Variants in CNTN1 observed in about 807,000 individuals in gnomAD.
CNTN1 encodes the protein contactin-1.
In CNTN1, 38 loss-of-function variants were observed where a neutral mutation model predicts 126.4. The ratio of observed to expected loss-of-function variants is 0.30; its 90% CI spans 0.23 to 0.39. The LOEUF (loss-of-function observed/expected upper bound fraction) is 0.39. Ranked by LOEUF, CNTN1 falls within the 10% of genes least tolerant of loss-of-function variation. CNTN1 has a pLI of 1.00. For missense variants in CNTN1, 1,009 were observed against 1,248.4 expected, an observed-to-expected ratio of 0.81 and a Z score of 2.89; for synonymous variants, 413 against 422.6, an observed-to-expected ratio of 0.98 and a Z score of 0.28.
At chr12:40,923,731 T>C (rs977180635) in intron 5 of CNTN1, among the ~76,000 whole-genome samples, 20 of 152,158 alleles carry the variant, frequency 1.3e-4, no homozygotes, top group African/African-American at 4.6e-4. Context: ...TCAAGTAAGC[T>C]ATTGAGGATA....
chr12:40,879,915 C>A (rs1025351788), intron 1 of CNTN1, among the ~76,000 whole-genome samples: 2 of 151,962 alleles, frequency 1.3e-5, no homozygotes, highest in Non-Finnish European at 2.9e-5. Flanking sequence ...GCAAGAAATT[C>A]GTAGTGATTA....
intron 1 of CNTN1, among the ~76,000 whole-genome samples, chr12:40,733,333 G>T (rs1190219081): frequency 6.6e-6 from 1 of 151,122 alleles, no homozygotes; most frequent in Non-Finnish European, 1.5e-5. Context: ...GCTGAAATAC[G>T]CATTCTAGAT....
chr12:40,923,271 A>G (rs1178795997), intron 5 of CNTN1, among the ~76,000 whole-genome samples: 1 of 152,140 alleles, frequency 6.6e-6, no homozygotes, highest in African/African-American at 2.4e-5. Context: ...TAAGCTAAAA[A>G]TTAGAGGTTG....
At chr12:41,019,808 AT>A (rs1948867285) in intron 19 of CNTN1, among the ~76,000 whole-genome samples, 1 of 152,154 alleles carries the variant, frequency 6.6e-6, no homozygotes, top group Non-Finnish European at 1.5e-5. Flanking sequence ...GGGAAGTTTT[AT>A]TAATAATATT....
At position 41,027,904 on chromosome 12, in the gene CNTN1, C is replaced by T. The variant is rs774696772; in HGVS notation, c.2758C>T (p.Arg920Cys). Reference sequence around the variant, plus strand: ...CATCAGTTCAGTAAGGTCTGGTTCACGCTATATAATCACCTGGGATCATGT... The same window carrying T: ...CATCAGTTCAGTAAGGTCTGGTTCATGCTATATAATCACCTGGGATCATGT... Reference protein sequence around the residue: ...RIISSVRSGSRYIITWDHVVA... With the variant: ...RIISSVRSGSCYIITWDHVVA... The change falls in exon 22 of 24, where the codon CGC becomes TGC. Residue 920 changes from arginine (R) to cysteine (C), a missense_variant. By Grantham distance (180) the Arg-to-Cys change is radical. Transcript: ENST00000551295. 1.3e-5 allele frequency: 21 copies of T among 1,613,744 alleles called. No homozygotes were observed. Among genetic ancestry groups the T allele is most frequent in the Non-Finnish European group, 1.4e-5 (16 of 1,179,824 alleles).
chr12:40,811,539 G>T (rs1457306742), intron 1 of CNTN1, among the ~76,000 whole-genome samples: 1 of 151,946 alleles, frequency 6.6e-6, no homozygotes, highest in East Asian at 1.9e-4. Context: ...CCATTTCTGG[G>T]CTTTTTTTGA....
intron 23 of CNTN1, among the ~76,000 whole-genome samples, chr12:41,038,697 T>A (rs1949326274): frequency 6.6e-6 from 1 of 152,066 alleles, no homozygotes; most frequent in Admixed American, 6.6e-5. Flanking sequence ...AAAGTCTTAT[T>A]TCTCTAAGCA....
chr12:40,773,676 C>CACACAT (rs1326393832), intron 1 of CNTN1, among the ~76,000 whole-genome samples: 8 of 11,480 alleles, frequency 7.0e-4, no homozygotes, highest in African/African-American at 1.3e-3. Context: ...TATATATACA[C>CACACAT]ATATATATAT....
intron 1 of CNTN1, among the ~76,000 whole-genome samples, chr12:40,816,203 T>C (rs1239915557): frequency 6.6e-6 from 1 of 152,208 alleles, no homozygotes; most frequent in Non-Finnish European, 1.5e-5. Flanking sequence ...TTCAATTGTT[T>C]GGAATAGTTT....
intron 23 of CNTN1, among the ~76,000 whole-genome samples, chr12:41,041,678 T>A (rs138961428): frequency 0.016 from 2,480 of 152,328 alleles, 69 homozygotes; most frequent in African/African-American, 0.053. Context: ...ATCCATTTCT[T>A]CTAGATTTTC....
At chr12:40,978,461 T>C (rs138465761) in intron 15 of CNTN1, among the ~76,000 whole-genome samples, 9 of 152,138 alleles carry the variant, frequency 5.9e-5, no homozygotes, top group Middle Eastern at 3.4e-3. Context: ...TTCAAGACAA[T>C]TGGAAAAATG....
In CNTN1 at chr12:40,731,288, A is replaced by G. The variant is rs1942494792; in HGVS notation, c.-77+38696A>G. On this transcript the variant is annotated intron_variant, in intron 1 of 23. Transcript: ENST00000551295. ...ATTTTGGGTGTTTTTTCCCTTAACA[A>G]TAAAGCAAATACTATGACAATTCTA... 2.6e-5 allele frequency among the ~76,000 whole-genome samples: 4 copies of G among 152,054 alleles called. No homozygotes were observed. The South Asian group carries it at 8.3e-4, about 31-fold the overall frequency.
Position 40,922,358 on chromosome 12 carries a change from A to T in CNTN1, c.330A>T (p.Gly110=), listed in dbSNP as rs150601046. Reference sequence around the variant, plus strand: ...ACCCTGACAAACAGAAAGATGCTGGAATATACTACTGTTTAGCATCTAATA... The same window carrying T: ...ACCCTGACAAACAGAAAGATGCTGGTATATACTACTGTTTAGCATCTAATA... ...INNPDKQKDA[G]IYYCLASNNY... is the part of the protein sequence containing the mutation. Residue 110 remains glycine (G), a synonymous_variant, in exon 5 of 24, where the codon GGA becomes GGT. Coordinates refer to ENST00000551295, the MANE Select transcript of CNTN1 (RefSeq NM_001843.4). 4.2e-5 allele frequency: 68 copies of T among 1,613,976 alleles called. No homozygotes were observed. Among genetic ancestry groups the T allele is most frequent in the Non-Finnish European group, 5.3e-5 (62 of 1,179,962 alleles).
chr12:41,035,193 TTTGCTG>T (rs1949228998), intron 23 of CNTN1, among the ~76,000 whole-genome samples: 1 of 152,152 alleles, frequency 6.6e-6, no homozygotes, highest in Non-Finnish European at 1.5e-5. Context: ...CAGAAATAAT[TTTGCTG>T]AAACATTCCT....
intron 23 of CNTN1, among the ~76,000 whole-genome samples, chr12:41,040,474 T>C (rs1460775350): frequency 6.6e-6 from 1 of 152,106 alleles, no homozygotes; most frequent in African/African-American, 2.4e-5. Flanking sequence ...AAGAGCAGCT[T>C]CATAAAAATG....
At chr12:41,046,188 C>G (rs1318959804) in intron 23 of CNTN1, among the ~76,000 whole-genome samples, 1 of 152,092 alleles carries the variant, frequency 6.6e-6, no homozygotes, top group East Asian at 1.9e-4. Context: ...GTCCTGTGTC[C>G]TGCCTCAGCC....
At chr12:40,752,217 T>C (rs1025403045) in intron 1 of CNTN1, among the ~76,000 whole-genome samples, 3 of 152,120 alleles carry the variant, frequency 2.0e-5, no homozygotes, top group African/African-American at 7.2e-5. Flanking sequence ...TGGCTTACAA[T>C]GACTGCTTTG....
intron 23 of CNTN1, among the ~76,000 whole-genome samples, chr12:41,059,560 C>T: frequency 6.6e-6 from 1 of 152,094 alleles, no homozygotes; most frequent in Non-Finnish European, 1.5e-5. Context: ...ATGTTCAATA[C>T]CTAAGTTTAC....
At chr12:41,065,274 C>T (rs1950024639) in intron 23 of CNTN1, among the ~76,000 whole-genome samples, 2 of 152,148 alleles carry the variant, frequency 1.3e-5, no homozygotes, top group Admixed American at 1.3e-4. Context: ...CCAGGATGGT[C>T]TCGAACTCCT....
Sources: gnomAD v4.1 joint callset for allele counts (sites outside exome capture counted in the v4.1 genomes callset) on GRCh38, gnomAD v4.1.1 for gene constraint, MANE v1.5 for transcripts, NCBI Gene and HGNC (gene_info 2026-07-23, HGNC 2026-07-21) for gene names.